The following DUSP16 variants were observed in gnomAD, a reference collection of about 807,000 sequenced individuals.
DUSP16 encodes the protein dual specificity phosphatase 16, also known as dual specificity protein phosphatase 16.
Under a neutral mutation model 58.3 loss-of-function variants are expected in DUSP16, and 21 were observed. The ratio of observed to expected loss-of-function variants is 0.36; its 90% CI spans 0.26 to 0.52. DUSP16 has a LOEUF of 0.52. Ranked by LOEUF, DUSP16 falls within the 20% of genes least tolerant of loss-of-function variation. The pLI, the probability that DUSP16 is intolerant of heterozygous loss-of-function variation, is 0.94. For synonymous variants in DUSP16, 320 were observed against 323.8 expected (o/e 0.99, Z 0.12); for missense variants, 726 against 819.0 (o/e 0.89, Z 1.39).
chr12:12,481,264 G>A (rs1943559344), intron 5 of DUSP16, among the ~76,000 whole-genome samples: 1 of 152,178 alleles, frequency 6.6e-6, no homozygotes, highest in African/African-American at 2.4e-5. Context: ...GGAAATCCAA[G>A]CAGTGCTGCC....
At chr12:12,558,276 T>TG (rs1430300529) in intron 1 of DUSP16, among the ~76,000 whole-genome samples, 1 of 152,214 alleles carries the variant, frequency 6.6e-6, no homozygotes, top group Non-Finnish European at 1.5e-5. Context: ...AAATAGGCCA[T>TG]GATATTACAG....
intron 3 of DUSP16, among the ~76,000 whole-genome samples, chr12:12,503,390 T>C (rs1382490876): frequency 1.3e-5 from 2 of 152,080 alleles, no homozygotes; most frequent in Non-Finnish European, 2.9e-5. Context: ...CACATTTGGC[T>C]AATTTTTTAT....
chr12:12,493,006 T>C (rs1943782544), intron 4 of DUSP16, among the ~76,000 whole-genome samples: 1 of 152,178 alleles, frequency 6.6e-6, no homozygotes, highest in African/African-American at 2.4e-5. Context: ...TCAATCCTTT[T>C]CTCATCTATA....
intron 4 of DUSP16, among the ~76,000 whole-genome samples, chr12:12,492,391 C>T (rs907478116): frequency 6.6e-6 from 1 of 152,104 alleles, no homozygotes; most frequent in Admixed American, 6.5e-5. Flanking sequence ...TCAGCAAATG[C>T]GCCCAGATAT....
Position 12,513,938 on chromosome 12 carries a change from C to T in DUSP16, c.367+5924G>A, listed in dbSNP as rs527738972. 2.6e-5 allele frequency among the ~76,000 whole-genome samples: 4 copies of T among 152,070 alleles called. No individual in the cohort carries two copies. The South Asian group carries it at 8.3e-4, about 32-fold the overall frequency. ...TAGTGAATAAGTAAAAGCCAAGAAA[C>T]AAGTTTATTTTTCAGAGAACTAGTT... On this transcript the variant is annotated intron_variant, in intron 3 of 6. Coordinates refer to ENST00000298573, the MANE Select transcript of DUSP16 (RefSeq NM_030640.3).
intron 3 of DUSP16, among the ~76,000 whole-genome samples, chr12:12,509,067 CTA>C: frequency 6.6e-6 from 1 of 152,266 alleles, no homozygotes; most frequent in Middle Eastern, 3.4e-3. Context: ...CAATACATAA[CTA>C]TGCCCAGAAA....
chr12:12,489,503 G>A (rs1370035792), intron 4 of DUSP16, among the ~76,000 whole-genome samples: 2 of 152,024 alleles, frequency 1.3e-5, no homozygotes, highest in East Asian at 1.9e-4. Flanking sequence ...TTCCACCAAC[G>A]GTACTACATT....
rs966556427 is a variant in DUSP16 at position 12,562,785 on chromosome 12, C to T, written c.-1034G>A. 1.3e-5 allele frequency among the ~76,000 whole-genome samples: 2 copies of T among 151,596 alleles called. No individual in the cohort carries two copies. The highest frequency in any genetic ancestry group is 4.8e-5 in the African/African-American group (2 of 41,470). ...TCGCCCATCCCGCGGCCGCCCGAGC[C>T]CGGAGCGCGGCTCCGCGCCTCGTTC... On this transcript the variant is annotated 5_prime_UTR_variant, in exon 1 of 7. Coordinates refer to ENST00000298573, the MANE Select transcript of DUSP16 (RefSeq NM_030640.3).
chr12:12,544,875 T>C (rs1363597541), intron 1 of DUSP16, among the ~76,000 whole-genome samples: 1 of 152,234 alleles, frequency 6.6e-6, no homozygotes, highest in African/African-American at 2.4e-5. Flanking sequence ...TAGGATCATT[T>C]ATCGAAAGAT....
At chr12:12,555,687 A>G (rs1313784394) in intron 1 of DUSP16, among the ~76,000 whole-genome samples, 2 of 152,234 alleles carry the variant, frequency 1.3e-5, no homozygotes, top group Admixed American at 1.3e-4. Context: ...TTTGAGGAGT[A>G]CAAGTCAGAT....
intron 1 of DUSP16, among the ~76,000 whole-genome samples, chr12:12,553,276 C>A (rs551573348): frequency 1.5e-4 from 23 of 152,104 alleles, no homozygotes; most frequent in Middle Eastern, 3.4e-3. Context: ...AAAAATAGCA[C>A]TTTTAAGTAT....
intron 3 of DUSP16, among the ~76,000 whole-genome samples, chr12:12,502,695 G>T (rs750135295): frequency 1.3e-5 from 2 of 151,486 alleles, no homozygotes. Context: ...GGGACTACAG[G>T]TATGCACCAC....
At chr12:12,528,632 T>C (rs1174424623) in intron 1 of DUSP16, among the ~76,000 whole-genome samples, 1 of 152,176 alleles carries the variant, frequency 6.6e-6, no homozygotes, top group Non-Finnish European at 1.5e-5. Context: ...ACCTAATATG[T>C]GCCAGGCACT....
Position 12,476,120 on chromosome 12 carries a change from TAGAC to T in DUSP16, c.*709_*712del, listed in dbSNP as rs1555161577. The stretch of plus-strand genomic sequence containing the variant: ...TCTAGGCCCACGGGAATTTTGTGCA[TAGAC>T]AGTTTGAATTGGTCTGAAAAGTGTG... On this transcript the variant is annotated 3_prime_UTR_variant, in exon 7 of 7. Transcript: ENST00000298573. The T allele has an allele frequency of 6.6e-6, 1 of 152,644 alleles. No individual in the cohort carries two copies. The highest frequency in any genetic ancestry group is 1.5e-5 in the Non-Finnish European group (1 of 68,040). The allele number at this position is 152,644 out of a possible 1,614,324, so 9.5% of individuals were successfully genotyped here.
At chr12:12,482,997 G>A (rs1223961261) in intron 5 of DUSP16, among the ~76,000 whole-genome samples, 2 of 152,128 alleles carry the variant, frequency 1.3e-5, no homozygotes, top group African/African-American at 4.8e-5. Flanking sequence ...GATTACACAC[G>A]CTGCACCTGG....
At chr12:12,531,955 G>A (rs1202194568) in intron 1 of DUSP16, among the ~76,000 whole-genome samples, 1 of 151,244 alleles carries the variant, frequency 6.6e-6, no homozygotes, top group East Asian at 1.9e-4. Context: ...TCAGGAGATC[G>A]AGACCATCCT....
intron 1 of DUSP16, among the ~76,000 whole-genome samples, chr12:12,529,108 CTTTTGT>C (rs1050810741): frequency 6.6e-6 from 1 of 152,112 alleles, no homozygotes; most frequent in African/African-American, 2.4e-5. Flanking sequence ...GGAAACTGAA[CTTTTGT>C]TTTTGTTGTT....
intron 3 of DUSP16, among the ~76,000 whole-genome samples, chr12:12,517,155 C>T (rs1264299074): frequency 6.6e-6 from 1 of 152,214 alleles, no homozygotes; most frequent in South Asian, 2.1e-4. Flanking sequence ...GGCCACAATT[C>T]CTCACTGCCA....
Position 12,475,059 on chromosome 12 carries a change from T to C in DUSP16, c.*1774A>G, listed in dbSNP as rs1370078346. The C allele has an allele frequency of 6.6e-6, 1 of 152,206 alleles. No homozygotes were observed. Among genetic ancestry groups the C allele is most frequent in the Admixed American group, 6.5e-5 (1 of 15,282 alleles). 9.4% of individuals were successfully genotyped at this position (152,206 alleles called of 1,614,324 possible). ...CATCATCCCCATAACCAAGTCGGTC[T>C]GTGTTGAGTCATATCATTCTGTGCT... On this transcript the variant is annotated 3_prime_UTR_variant, in exon 7 of 7. Transcript: ENST00000298573.
Sources: allele counts gnomAD v4.1 joint callset (sites outside exome capture counted in the v4.1 genomes callset), GRCh38; gene constraint gnomAD v4.1.1; transcripts MANE v1.5; gene names NCBI Gene and HGNC (gene_info 2026-07-23, HGNC 2026-07-21).